The following CSGALNACT2 variants were observed in gnomAD, a reference collection of about 807,000 sequenced individuals.
CSGALNACT2 encodes chondroitin sulfate N-acetylgalactosaminyltransferase 2.
In CSGALNACT2, 35 loss-of-function variants were observed where a neutral mutation model predicts 55.3. The ratio of observed to expected loss-of-function variants is 0.63; its 90% CI spans 0.48 to 0.84. The LOEUF (loss-of-function observed/expected upper bound fraction) is 0.84. Ranked by LOEUF, CSGALNACT2 falls within the 40% of genes least tolerant of loss-of-function variation. CSGALNACT2 has a pLI of 0.00. For synonymous variants in CSGALNACT2, 196 were observed against 224.9 expected (o/e 0.87, Z 1.15); for missense variants, 544 against 657.5 (o/e 0.83, Z 1.89).
At chr10:43,164,988 C>A (rs1839230626) in intron 5 of CSGALNACT2, among the ~76,000 whole-genome samples, 1 of 151,990 alleles carries the variant, frequency 6.6e-6, no homozygotes, top group Admixed American at 6.6e-5. Context: ...CTTTGGGAGG[C>A]CGAGGCGGGC....
intron 1 of CSGALNACT2, among the ~76,000 whole-genome samples, chr10:43,152,698 TG>T (rs1291644014): frequency 1.3e-5 from 2 of 152,178 alleles, no homozygotes; most frequent in African/African-American, 4.8e-5. Context: ...TAAAAGATAG[TG>T]GTAGTTCTGT....
At chr10:43,143,020 A>G (rs1838663598) in intron 1 of CSGALNACT2, among the ~76,000 whole-genome samples, 1 of 152,228 alleles carries the variant, frequency 6.6e-6, no homozygotes, top group African/African-American at 2.4e-5. Flanking sequence ...TGTTATAATT[A>G]TACTCTAAGG....
At chr10:43,159,101 A>G (rs922003406) in intron 3 of CSGALNACT2, among the ~76,000 whole-genome samples, 170 bp downstream of exon 3, 1 of 152,128 alleles carries the variant, frequency 6.6e-6, no homozygotes, top group Admixed American at 6.5e-5. Flanking sequence ...TGTGTAGTAT[A>G]TTGTGTTATA....
At chr10:43,139,674 T>G (rs1487040410) in intron 1 of CSGALNACT2, among the ~76,000 whole-genome samples, 1 of 152,242 alleles carries the variant, frequency 6.6e-6, no homozygotes, top group East Asian at 1.9e-4. Flanking sequence ...ATCCTTGTTT[T>G]CCCATCTGTA....
At chr10:43,169,928 C>T (rs1271747954) in intron 6 of CSGALNACT2, among the ~76,000 whole-genome samples, 1 of 152,182 alleles carries the variant, frequency 6.6e-6, no homozygotes, top group Non-Finnish European at 1.5e-5. Flanking sequence ...TCATATTCAA[C>T]CTACTATTTT....
chr10:43,173,749 TTGGGA>T (rs1839426346), intron 6 of CSGALNACT2, among the ~76,000 whole-genome samples: 1 of 152,114 alleles, frequency 6.6e-6, no homozygotes, highest in Non-Finnish European at 1.5e-5. Flanking sequence ...TCCGAGCACT[TTGGGA>T]TGCCGAGGTG....
intron 7 of CSGALNACT2, among the ~76,000 whole-genome samples, chr10:43,182,886 CA>C (rs67581450): frequency 0.85 from 123,690 of 146,358 alleles, 52,358 homozygotes; most frequent in African/African-American, 0.93. Flanking sequence ...AAAAAAAAAA[CA>C]AAAAAAAAAA....
At chr10:43,178,446 C>A (rs1169497003) in intron 7 of CSGALNACT2, among the ~76,000 whole-genome samples, 1 of 151,994 alleles carries the variant, frequency 6.6e-6, no homozygotes, top group Non-Finnish European at 1.5e-5. Flanking sequence ...CAAGGTAAAA[C>A]CCTGTCTCTA....
intron 4 of CSGALNACT2, chr10:43,162,507 T>A (rs1470451876): frequency 1.0e-6 from 1 of 985,172 alleles, no homozygotes; most frequent in African/African-American, 1.7e-5. Context: ...CAATGGGCAG[T>A]TTTCCCCCAA....
rs995031578 is a variant in CSGALNACT2 at position 43,167,200 on chromosome 10, A to C, written c.1254+102A>C. ...AGTTTCAATAAAAAACTGTATTTCCATGAGCAAAGTGTTAAAGAAAAACTA... is the reference window on the plus strand; with the variant it reads ...AGTTTCAATAAAAAACTGTATTTCCCTGAGCAAAGTGTTAAAGAAAAACTA... On this transcript the variant is annotated intron_variant, in intron 6 of 7. Transcript: ENST00000374466. 3 of 738,104 alleles carry C rather than the reference A, an allele frequency of 4.1e-6. No individual in the cohort carries two copies. The African/African-American group carries it at 5.3e-5, about 13-fold the overall frequency. 45.7% of individuals were successfully genotyped at this position (738,104 alleles called of 1,614,324 possible).
At chr10:43,178,698 ATTG>A (rs748516637) in intron 7 of CSGALNACT2, among the ~76,000 whole-genome samples, 28 of 150,264 alleles carry the variant, frequency 1.9e-4, no homozygotes, top group Non-Finnish European at 3.1e-4. Context: ...TTTTATATTT[ATTG>A]TTATTTTTTA....
At chr10:43,181,111 C>T (rs1440176285) in intron 7 of CSGALNACT2, among the ~76,000 whole-genome samples, 1 of 152,230 alleles carries the variant, frequency 6.6e-6, no homozygotes, top group Non-Finnish European at 1.5e-5. Context: ...GTAAAACTCA[C>T]ATGAGTATGG....
chr10:43,162,439 G>A lies in CSGALNACT2; in HGVS notation c.981-1427G>A, dbSNP rs1052890148. The stretch of plus-strand genomic sequence containing the variant: ...GAAATTACTGTGGTTGGGGTGGGCA[G>A]AGAGTGAGGGGTATTCTGTGATCAG... On this transcript the variant is annotated intron_variant, in intron 4 of 7. Coordinates refer to ENST00000374466, the MANE Select transcript of CSGALNACT2 (RefSeq NM_018590.5). 2.9e-5 allele frequency: 29 copies of A among 985,312 alleles called. No homozygotes were observed. The African/African-American group carries it at 4.7e-4, about 16-fold the overall frequency. 61.0% of individuals were successfully genotyped at this position (985,312 alleles called of 1,614,324 possible). A position where few individuals can be genotyped will look rare whatever the true frequency, so the allele number is the denominator to read the frequency against.
chr10:43,141,624 C>CAAAAAAAAAAAAA (rs58889701), intron 1 of CSGALNACT2, among the ~76,000 whole-genome samples: 2 of 68,902 alleles, frequency 2.9e-5, no homozygotes, highest in Non-Finnish European at 5.0e-5. Flanking sequence ...GAAACTGTCT[C>CAAAAAAAAAAAAA]AAAAAAAAAA....
At chr10:43,177,074 T>C (rs1159521125) in intron 7 of CSGALNACT2, among the ~76,000 whole-genome samples, 1 of 152,154 alleles carries the variant, frequency 6.6e-6, no homozygotes, top group Admixed American at 6.5e-5. Flanking sequence ...TCCCCCCACC[T>C]TGTCTCCTTA....
At chr10:43,147,305 G>A (rs996993850) in intron 1 of CSGALNACT2, among the ~76,000 whole-genome samples, 7 of 151,512 alleles carry the variant, frequency 4.6e-5, no homozygotes, top group Non-Finnish European at 8.8e-5. Flanking sequence ...TATTTGAAGG[G>A]TTCAGGCCTT....
rs1839633206 is a variant in CSGALNACT2, at chr10:43,183,497, T to C, written c.1584T>C (p.His528=). 1 of 1,614,032 alleles carries C rather than the reference T, an allele frequency of 6.2e-7. No individual in the cohort carries two copies. Among genetic ancestry groups the C allele is most frequent in the Non-Finnish European group, 8.5e-7 (1 of 1,180,014 alleles). ...TCTTCAGGGAGGAAATAGAGACGCA[T>C]CTTCATAAACAGGCATACAGGACAA... ...MLVFREEIET[H]LHKQAYRTNS... The change falls in exon 8 of 8, where the codon CAT becomes CAC. Residue 528 remains histidine (H), a synonymous_variant. Transcript: ENST00000374466.
chr10:43,162,692 G>C, intron 4 of CSGALNACT2: 3 of 985,186 alleles, frequency 3.0e-6, no homozygotes, highest in Non-Finnish European at 3.6e-6. Context: ...CTGCACCCTA[G>C]TGCAGTGAGT....
chr10:43,162,523 G>A (rs1839174746), intron 4 of CSGALNACT2: 1 of 985,298 alleles, frequency 1.0e-6, no homozygotes, highest in African/African-American at 1.7e-5. Context: ...CCCAACAGAG[G>A]AGAGATTTAT....
Sources: gnomAD v4.1 joint callset for allele counts (sites outside exome capture counted in the v4.1 genomes callset) on GRCh38, gnomAD v4.1.1 for gene constraint, MANE v1.5 for transcripts, NCBI Gene and HGNC (gene_info 2026-07-23, HGNC 2026-07-21) for gene names.